Variants in FAT1 observed in about 807,000 individuals in gnomAD.
The protein encoded by FAT1 is protocadherin Fat 1.
In FAT1, 171 loss-of-function variants were observed where a neutral mutation model predicts 329.8. That is an observed-to-expected ratio of 0.52 (90% confidence interval 0.46 to 0.59). The LOEUF is 0.59. Among genes scored for constraint, FAT1 ranks in the 20% least tolerant of loss-of-function variants. FAT1 has a pLI of 0.00. For missense variants in FAT1, 5,672 were observed against 5,774.4 expected (o/e 0.98, Z 0.57); for synonymous variants, 2,233 against 2,228.6 (o/e 1.00, Z -0.06).
At chr4:186,715,240 T>TCCCACCACAGCC (rs1452367119) in intron 1 of FAT1, among the ~76,000 whole-genome samples, 1 of 150,736 alleles carries the variant, frequency 6.6e-6, no homozygotes, top group Non-Finnish European at 1.5e-5. Context: ...AGGTGCTCAG[T>TCCCACCACAGCC]CCCACCACAG....
In FAT1 at chr4:186,607,106, C is replaced by T. The variant is rs145344883; in HGVS notation, c.10207-893G>A. 1.2e-3 allele frequency among the ~76,000 whole-genome samples: 179 copies of T among 152,362 alleles called. 1 individual carries two copies. In the East Asian group the frequency reaches 0.03, roughly 25 times the overall value. On this transcript the variant is annotated intron_variant, in intron 16 of 26. Coordinates refer to ENST00000441802, the MANE Select transcript of FAT1 (RefSeq NM_005245.4). ...AGAAAGTCCCTTCTCAACATTCACACATCAAAGGAGAAATTAAAGAATTTA... is the reference window on the plus strand; with the variant it reads ...AGAAAGTCCCTTCTCAACATTCACATATCAAAGGAGAAATTAAAGAATTTA...
chr4:186,645,430 A>G (rs1741324457), intron 3 of FAT1, among the ~76,000 whole-genome samples: 1 of 126,902 alleles, frequency 7.9e-6, no homozygotes, highest in African/African-American at 2.9e-5. Flanking sequence ...TATGCCTGTA[A>G]AAAACTGAGA....
chr4:186,608,815 A>G (rs1739261519), intron 16 of FAT1, among the ~76,000 whole-genome samples: 1 of 152,150 alleles, frequency 6.6e-6, no homozygotes, highest in Admixed American at 6.5e-5. Flanking sequence ...CTTGGCTTCT[A>G]TCTGCATGCC....
rs61733570 is a variant in FAT1, at chr4:186,707,030, C to A, written c.2798G>T (p.Arg933Leu). ...TGGAAGATCCTCTCGGACTTTCACA[C>A]GATAATTAGGTGGAATAAATGTAGG... ...NPPTFIPPNYRVKVREDLPEG... is the reference protein window; with the variant it reads ...NPPTFIPPNYLVKVREDLPEG... Residue 933 changes from arginine (R) to leucine (L), a missense_variant, in exon 2 of 27, where the codon CGT becomes CTT. Physicochemically the swap from Arg to Leu is moderately radical, Grantham distance 102. Transcript: ENST00000441802. 24 of 1,613,776 alleles carry A rather than the reference C, an allele frequency of 1.5e-5. No individual in the cohort carries two copies. The highest frequency in any genetic ancestry group is 1.7e-5 in the Admixed American group (1 of 59,990).
intron 2 of FAT1, among the ~76,000 whole-genome samples, chr4:186,665,506 T>C (rs868648773): frequency 6.6e-6 from 1 of 152,226 alleles, no homozygotes; most frequent in African/African-American, 2.4e-5. Context: ...TTGAGAAGTG[T>C]CTGTTCATAT....
At chr4:186,701,264 C>A (rs1488349167) in intron 2 of FAT1, among the ~76,000 whole-genome samples, 1 of 152,108 alleles carries the variant, frequency 6.6e-6, no homozygotes. Flanking sequence ...AAATTGTTAC[C>A]ACGCCCTGCT....
chr4:186,695,804 T>C (rs987400356), intron 2 of FAT1, among the ~76,000 whole-genome samples: 3 of 103,004 alleles, frequency 2.9e-5, no homozygotes, highest in Non-Finnish European at 7.0e-5. Flanking sequence ...CACACACACA[T>C]TTTTGAGACG....
chr4:186,671,923 G>A (rs902192718), intron 2 of FAT1, among the ~76,000 whole-genome samples: 7 of 152,056 alleles, frequency 4.6e-5, no homozygotes, highest in African/African-American at 9.7e-5. Flanking sequence ...AATGAAAAAG[G>A]AGGAGTCTAT....
At chr4:186,648,293 A>C (rs567517158) in intron 3 of FAT1, among the ~76,000 whole-genome samples, 1 of 152,296 alleles carries the variant, frequency 6.6e-6, no homozygotes, top group African/African-American at 2.4e-5. Flanking sequence ...TAAATATTAA[A>C]ACATTTTAAA....
chr4:186,621,431 T>C lies in FAT1; in HGVS notation c.5155A>G (p.Ile1719Val), dbSNP rs200903267. Residue 1719 changes from isoleucine (I) to valine (V), a missense_variant, in exon 10 of 27, where the codon ATC (isoleucine) becomes GTC (valine). Transcript: ENST00000441802. ...AAGTCCAGGGCTTTCTGAGTGATGA[T>C]AGTTCCAGAATGTGGATTAATATCA... The part of the protein sequence containing the change: ...AFDINPHSGT[I>V]ITQKALDFET... The C allele has an allele frequency of 4.3e-5, 70 of 1,613,920 alleles. No homozygotes were observed. In the Middle Eastern group the frequency reaches 4.9e-4, roughly 11 times the overall value.
rs372714888 is a variant in FAT1 at position 186,618,931 on chromosome 4, T to C, written c.7655A>G (p.Glu2552Gly). Residue 2552 changes from glutamate (E) to glycine (G), a missense_variant, in exon 10 of 27, where the codon GAA becomes GGA. By Grantham distance (98) the Glu-to-Gly change is moderately conservative (BLOSUM62 -2). Around this residue, in one of 2 missense-constraint regions of FAT1, gnomAD observed 3,966 missense variants for 3,915.2 expected, o/e 1.01. Coordinates refer to ENST00000441802, the MANE Select transcript of FAT1 (RefSeq NM_005245.4). ...INERGQIFTL[E>G]KLDRETPAEK... ...CGCCGGGGTTTCTCGATCAAGTTTT[T>C]CCAAAGTAAATATCTGTCCTCTCTC... 197 of 1,613,832 alleles carry C rather than the reference T, an allele frequency of 1.2e-4. No individual in the cohort carries two copies. The highest frequency in any genetic ancestry group is 1.6e-4 in the Non-Finnish European group (184 of 1,179,900).
chr4:186,589,769 C>A (rs1286677795), intron 26 of FAT1, among the ~76,000 whole-genome samples: 1 of 152,164 alleles, frequency 6.6e-6, no homozygotes, highest in African/African-American at 2.4e-5. Context: ...TGGCCACAAA[C>A]AATCTTGCCA....
chr4:186,710,871 T>G (rs192095086), intron 1 of FAT1, among the ~76,000 whole-genome samples: 1 of 152,124 alleles, frequency 6.6e-6, no homozygotes, highest in Non-Finnish European at 1.5e-5. Flanking sequence ...AGAGAGAAAC[T>G]GAAGAAATGA....
At chr4:186,659,247 G>A (rs973163101) in intron 3 of FAT1, among the ~76,000 whole-genome samples, 3 of 152,150 alleles carry the variant, frequency 2.0e-5, no homozygotes, top group Non-Finnish European at 2.9e-5. Flanking sequence ...TACACTCTAC[G>A]TTGTCCACAC....
At chr4:186,594,595 T>C (rs1738403897) in intron 26 of FAT1, among the ~76,000 whole-genome samples, 1 of 147,742 alleles carries the variant, frequency 6.8e-6, no homozygotes, top group African/African-American at 2.5e-5. Context: ...AACACAGGTA[T>C]ATTTTGATAC....
intron 16 of FAT1, among the ~76,000 whole-genome samples, chr4:186,607,659 CTAGA>C (rs1455844216): frequency 6.7e-6 from 1 of 149,682 alleles, no homozygotes; most frequent in African/African-American, 2.5e-5. Context: ...GAATAGATAA[CTAGA>C]TAGATGGGTG....
chr4:186,682,254 C>T (rs897353344), intron 2 of FAT1, among the ~76,000 whole-genome samples: 2 of 152,110 alleles, frequency 1.3e-5, no homozygotes, highest in Non-Finnish European at 2.9e-5. Context: ...TAGCCGGGCG[C>T]GGTGGCTCAC....
At position 186,707,744 on chromosome 4, in the gene FAT1, T is replaced by C. The variant is rs1744706415; in HGVS notation, c.2084A>G (p.Asn695Ser). Residue 695 changes from asparagine to serine, a missense_variant, in exon 2 of 27, where the codon AAC (asparagine) becomes AGC (serine). Physicochemically the swap from Asn to Ser is conservative, Grantham distance 46 (BLOSUM62 1). Coordinates refer to ENST00000441802, the MANE Select transcript of FAT1 (RefSeq NM_005245.4). ...GAAAATATCCTCCACCTCTCCCTGG[T>C]TGTGTAATTTATTTGCCTGCAGGAG... ...EKLLQANKLH[N>S]QGEVEDIFFD... 2 of 1,613,596 alleles carry C rather than the reference T, an allele frequency of 1.2e-6. No homozygotes were observed. The highest frequency in any genetic ancestry group is 1.7e-6 in the Non-Finnish European group (2 of 1,179,878).
At chr4:186,612,164 G>A (rs1279675804) in intron 13 of FAT1, among the ~76,000 whole-genome samples, 3 of 149,656 alleles carry the variant, frequency 2.0e-5, no homozygotes, top group African/African-American at 7.4e-5. Flanking sequence ...AAGGGTAAAC[G>A]CTAATATACA....
Sources: allele counts gnomAD v4.1 joint callset (sites outside exome capture counted in the v4.1 genomes callset), GRCh38; gene constraint gnomAD v4.1.1; regional missense constraint gnomAD v4.1.1; transcripts MANE v1.5; gene names NCBI Gene and HGNC (gene_info 2026-07-23, HGNC 2026-07-21).